The following EPHA7 variants were observed in gnomAD, a reference collection of about 807,000 sequenced individuals.
The protein encoded by EPHA7 is ephrin type-A receptor 7.
In EPHA7, 25 loss-of-function variants were observed where a neutral mutation model predicts 112.6. That is an observed-to-expected ratio of 0.22 (90% CI 0.16 to 0.31). The LOEUF (loss-of-function observed/expected upper bound fraction) is 0.31, where lower values mean the gene tolerates loss of function less well. EPHA7 is among the 10% of genes least tolerant of loss of function. EPHA7 has a pLI of 1.00. For synonymous variants in EPHA7, 437 were observed against 406.5 expected, an observed-to-expected ratio of 1.07 and a Z score of -0.90; for missense variants, 962 against 1,212.6, an observed-to-expected ratio of 0.79 and a Z score of 3.07.
chr6:93,405,809 GTGTGTATATATATATA>G (rs1346760702), intron 3 of EPHA7, among the ~76,000 whole-genome samples: 683 of 61,570 alleles, frequency 0.011, 7 homozygotes, highest in African/African-American at 0.057. Flanking sequence ...GTGTGTGTGT[GTGTGTATATATATATA>G]TATATATATA....
At chr6:93,374,489 G>A (rs979685656) in intron 3 of EPHA7, among the ~76,000 whole-genome samples, 9 of 152,214 alleles carry the variant, frequency 5.9e-5, no homozygotes, top group African/African-American at 2.2e-4. Context: ...ATCATTTTAA[G>A]TCTTCCTTTT....
chr6:93,419,097 G>T (rs896515109), intron 1 of EPHA7, 148 bp downstream of exon 1: 6 of 545,626 alleles, frequency 1.1e-5, no homozygotes, highest in Admixed American at 4.3e-5. Flanking sequence ...CGCCAGGAGC[G>T]GCCTCAGCGG....
chr6:93,250,625 C>T (rs934799196), intron 14 of EPHA7, among the ~76,000 whole-genome samples: 20 of 152,054 alleles, frequency 1.3e-4, no homozygotes, highest in Admixed American at 2.6e-4. Flanking sequence ...TAGGTACATT[C>T]TTCATATAGT....
intron 5 of EPHA7, among the ~76,000 whole-genome samples, chr6:93,305,343 G>C (rs1288717041): frequency 1.3e-5 from 2 of 151,452 alleles, no homozygotes; most frequent in Non-Finnish European, 1.5e-5. Context: ...AAAAGTAAGA[G>C]GCTGAAGCAG....
chr6:93,360,377 G>A (rs950065606), intron 3 of EPHA7, among the ~76,000 whole-genome samples: 6 of 152,018 alleles, frequency 3.9e-5, no homozygotes, highest in Non-Finnish European at 7.4e-5. Context: ...CTCACAACTC[G>A]CTGTCTGAGA....
chr6:93,261,968 C>A (rs1161320989), intron 9 of EPHA7, among the ~76,000 whole-genome samples: 1 of 151,410 alleles, frequency 6.6e-6, no homozygotes, highest in African/African-American at 2.4e-5. Flanking sequence ...AGTAAATAAA[C>A]TGGTGTATGT....
intron 3 of EPHA7, among the ~76,000 whole-genome samples, chr6:93,367,012 T>C (rs1776548614): frequency 1.3e-5 from 2 of 152,068 alleles, no homozygotes; most frequent in Non-Finnish European, 2.9e-5. Context: ...CTTTTAGTTC[T>C]AATTCAAGTC....
In EPHA7 at chr6:93,240,923, C is replaced by T. The variant is rs570776061; in HGVS notation, c.*2503G>A. On this transcript the variant is annotated 3_prime_UTR_variant, in exon 17 of 17. Coordinates refer to ENST00000369303, the MANE Select transcript of EPHA7 (RefSeq NM_004440.4). ...TTGATTAGGAAAAGAAACTTACAAA[C>T]GAGATAGTGATGTAATCATACACTT... 1.8e-4 allele frequency: 38 copies of T among 210,198 alleles called. No individual in the cohort carries two copies. The highest frequency in any genetic ancestry group is 1.7e-3 in the East Asian group (24 of 13,948). The allele number at this position is 210,198 out of a possible 1,614,324, so 13.0% of individuals were successfully genotyped here. A position where few individuals can be genotyped will look rare whatever the true frequency, so the allele number is the denominator to read the frequency against.
At chr6:93,328,287 C>T (rs1455331463) in intron 5 of EPHA7, among the ~76,000 whole-genome samples, 1 of 151,446 alleles carries the variant, frequency 6.6e-6, no homozygotes. Context: ...TTATATTTTA[C>T]ACATTTAGTA....
At chr6:93,354,056 T>G (rs1432945529) in intron 5 of EPHA7, among the ~76,000 whole-genome samples, 1 of 152,142 alleles carries the variant, frequency 6.6e-6, no homozygotes, top group Non-Finnish European at 1.5e-5. Flanking sequence ...ATCAGTGGAT[T>G]GCTGAGGAGG....
chr6:93,267,219 G>A (rs1770986714), intron 7 of EPHA7, among the ~76,000 whole-genome samples: 1 of 151,598 alleles, frequency 6.6e-6, no homozygotes, highest in African/African-American at 2.4e-5. Context: ...AGGGCTCCTG[G>A]GATGGAAAAT....
At chr6:93,389,648 G>C (rs1448640762) in intron 3 of EPHA7, among the ~76,000 whole-genome samples, 1 of 151,746 alleles carries the variant, frequency 6.6e-6, no homozygotes, top group Non-Finnish European at 1.5e-5. Flanking sequence ...AACAAACGTT[G>C]GAATAAATTA....
In EPHA7 at chr6:93,414,708, T is replaced by C; in HGVS notation, c.157A>G (p.Asn53Asp). Residue 53 changes from asparagine (N) to aspartate (D), a missense_variant, in exon 2 of 17, where the codon AAT becomes GAT. Asn to Asp is a conservative substitution (Grantham distance 23, BLOSUM62 1). Around this residue, in one of 3 missense-constraint regions of EPHA7, gnomAD observed 56 missense variants for 59.9 expected, o/e 0.94. Transcript: ENST00000369303. The stretch of plus-strand genomic sequence containing the variant: ...TTATGATGAAAAAAACTTACCCCAT[T>C]GGGTGGAGAGGAAATCCACTCCAAC... ...TELEWISSPP[N>D]GWEEISGLDE... 5 of 1,612,018 alleles carry C rather than the reference T, an allele frequency of 3.1e-6. No homozygotes were observed. Among genetic ancestry groups the C allele is most frequent in the Non-Finnish European group, 4.2e-6 (5 of 1,178,634 alleles).
chr6:93,329,309 CTGAAATGTT>C, intron 5 of EPHA7, among the ~76,000 whole-genome samples: 1 of 151,284 alleles, frequency 6.6e-6, no homozygotes, highest in East Asian at 1.9e-4. Flanking sequence ...TCAGAAGTAA[CTGAAATGTT>C]TAATTGCTAA....
In EPHA7 at chr6:93,411,085, T is replaced by C. The variant is rs774165896; in HGVS notation, c.248A>G (p.Asn83Ser). The C allele has an allele frequency of 6.2e-7, 1 of 1,613,888 alleles. No individual in the cohort carries two copies. The highest frequency in any genetic ancestry group is 1.7e-5 in the Admixed American group (1 of 60,002). Residue 83 changes from asparagine to serine, a missense_variant, in exon 3 of 17, where the codon AAC becomes AGC. Transcript: ENST00000369303. ...VCQVMEPNQN[N>S]WLRTNWISKG... is the part of the protein sequence containing the mutation. ...GGAAATCCAGTTAGTCCGCAGCCAG[T>C]TGTTTTGGTTGGGCTCCATGACTTG...
rs1221343112 is a variant in EPHA7 at position 93,240,662 on chromosome 6, A to G, written c.*2764T>C. On this transcript the variant is annotated 3_prime_UTR_variant, in exon 17 of 17. Coordinates refer to ENST00000369303, the MANE Select transcript of EPHA7 (RefSeq NM_004440.4). Reference sequence around the variant, plus strand: ...GTGGCTCTATTAAAGCAAGGAGGCCATTTCCTTTTGCATTTTTATAATTTT... The same window carrying G: ...GTGGCTCTATTAAAGCAAGGAGGCCGTTTCCTTTTGCATTTTTATAATTTT... The G allele has an allele frequency of 9.3e-6, 2 of 214,622 alleles. No homozygotes were observed. Among genetic ancestry groups the G allele is most frequent in the Non-Finnish European group, 9.4e-6 (1 of 106,438 alleles). 13.3% of individuals were successfully genotyped at this position (214,622 alleles called of 1,614,324 possible).
intron 5 of EPHA7, among the ~76,000 whole-genome samples, chr6:93,307,586 TC>T (rs1328787263): frequency 6.6e-6 from 1 of 152,140 alleles, no homozygotes; most frequent in Non-Finnish European, 1.5e-5. Flanking sequence ...AGCATGCAAT[TC>T]TGAGCCAAGT....
intron 3 of EPHA7, among the ~76,000 whole-genome samples, chr6:93,360,432 C>T (rs1029302901): frequency 6.6e-6 from 1 of 152,060 alleles, no homozygotes; most frequent in Non-Finnish European, 1.5e-5. Flanking sequence ...AGTAGACATA[C>T]AGACAAATAA....
At chr6:93,401,865 T>C (rs1014312052) in intron 3 of EPHA7, among the ~76,000 whole-genome samples, 10 of 151,892 alleles carry the variant, frequency 6.6e-5, no homozygotes, top group Non-Finnish European at 1.5e-4. Flanking sequence ...CCCATGAAAA[T>C]ATTATTTCTA....
Sources: gnomAD v4.1 joint callset for allele counts (sites outside exome capture counted in the v4.1 genomes callset) on GRCh38, gnomAD v4.1.1 for gene constraint, gnomAD v4.1.1 regional missense constraint, MANE v1.5 for transcripts, NCBI Gene and HGNC (gene_info 2026-07-23, HGNC 2026-07-21) for gene names.